RAD50: variants seen among roughly 807,000 people sequenced by gnomAD.
RAD50 encodes the protein RAD50 double strand break repair protein.
A neutral mutation model predicts 168.8 loss-of-function variants in RAD50; 132 were observed. That is an observed-to-expected ratio of 0.78 (90% CI 0.68 to 0.90). RAD50 has a LOEUF of 0.90. Among genes scored for constraint, RAD50 ranks in the 40% least tolerant of loss-of-function variants. The pLI, the probability that RAD50 is intolerant of heterozygous loss-of-function variation, is 0.00. For synonymous variants in RAD50, 525 were observed against 497.4 expected, an observed-to-expected ratio of 1.06 and a Z score of -0.74; for missense variants, 1,347 against 1,534.4, an observed-to-expected ratio of 0.88 and a Z score of 2.04.
At chr5:132,593,015 C>A (rs1463377439) in intron 11 of RAD50, 1 of 379,656 alleles carries the variant, frequency 2.6e-6, no homozygotes, top group Non-Finnish European at 5.5e-6. Context: ...TGATCTTCTT[C>A]AGTTAGGGCA....
At position 132,616,016 on chromosome 5, in the gene RAD50, G is replaced by A. The variant is rs1554099776; in HGVS notation, c.3050G>A (p.Trp1017Ter). 3.8e-6 allele frequency: 6 copies of A among 1,583,146 alleles called. No individual in the cohort carries two copies. The highest frequency in any genetic ancestry group is 5.2e-6 in the Non-Finnish European group (6 of 1,152,518). The change falls in exon 20 of 25, where the codon TGG (tryptophan) becomes TAG (stop). Residue 1017 changes from tryptophan to a stop codon, truncating the protein, a stop_gained. Transcript: ENST00000378823. LOFTEE classifies it high-confidence loss of function. The stretch of plus-strand genomic sequence containing the variant: ...GTTTACCTTTAGATACAAGAAAGGT[G>A]GCTACAAGATAACCTTACTTTAAGA... ...DIDTQKIQERWLQDNLTLRKR... is the reference protein window; with the variant it reads ...DIDTQKIQER
Position 132,591,260 on chromosome 5 carries a change from G to A in RAD50, c.1489G>A (p.Val497Ile), listed in dbSNP as rs1750691889. 6.2e-7 allele frequency: 1 copy of A among 1,613,070 alleles called. No homozygotes were observed. Among genetic ancestry groups the A allele is most frequent in the Non-Finnish European group, 8.5e-7 (1 of 1,179,072 alleles). ...AAGCAAGGCTGAGAAAAACAGCAAT[G>A]TAGAAACCTTAAAAATGGAAGTAAT... ...ELSKAEKNSN[V>I]ETLKMEVISL... The change falls in exon 10 of 25, where the codon GTA (valine) becomes ATA (isoleucine). Residue 497 changes from valine (V) to isoleucine (I), a missense_variant. Physicochemically the swap from Val to Ile is conservative, Grantham distance 29 (BLOSUM62 3). Coordinates refer to ENST00000378823, the MANE Select transcript of RAD50 (RefSeq NM_005732.4).
In RAD50 at chr5:132,609,135, A is replaced by G. The variant is rs1581004613; in HGVS notation, c.2848A>G (p.Lys950Glu). The G allele has an allele frequency of 6.2e-7, 1 of 1,611,758 alleles. No individual in the cohort carries two copies. The highest frequency in any genetic ancestry group is 8.5e-7 in the Non-Finnish European group (1 of 1,179,022). ...AQDKLNDIKE[K>E]VKNIHGYMKD... Reference sequence around the variant, plus strand: ...TCTACAGCTGAATGATATTAAAGAGAAGGTTAAAAATATTCATGGCTATAT... The same window carrying G: ...TCTACAGCTGAATGATATTAAAGAGGAGGTTAAAAATATTCATGGCTATAT... The change falls in exon 18 of 25, where the codon AAG (lysine) becomes GAG (glutamate). Residue 950 changes from lysine (K) to glutamate (E), a missense_variant. Coordinates refer to ENST00000378823, the MANE Select transcript of RAD50 (RefSeq NM_005732.4).
intron 24 of RAD50, among the ~76,000 whole-genome samples, chr5:132,641,470 C>T (rs577378835): frequency 6.6e-6 from 1 of 152,300 alleles, no homozygotes; most frequent in East Asian, 1.9e-4. Context: ...AGAAGGAGAG[C>T]TCAGCAGCGC....
At chr5:132,626,059 A>G (rs1751367379) in intron 21 of RAD50, among the ~76,000 whole-genome samples, 1 of 152,066 alleles carries the variant, frequency 6.6e-6, no homozygotes, top group East Asian at 1.9e-4. Context: ...TAGTAGAAAC[A>G]GGGTTTTGCC....
rs1290077929 is a variant in RAD50 at position 132,608,733 on chromosome 5, T to A, written c.2829+8T>A. 6.4e-7 allele frequency: 1 copy of A among 1,568,068 alleles called. No homozygotes were observed. The highest frequency in any genetic ancestry group is 8.6e-7 in the Non-Finnish European group (1 of 1,156,658). On this transcript the variant is annotated splice_region_variant and intron_variant, in intron 17 of 24. Coordinates refer to ENST00000378823, the MANE Select transcript of RAD50 (RefSeq NM_005732.4). Reference sequence around the variant, plus strand: ...AAAATAGCACAGGATAAAGTAAGATTTCATTTATATATTTACTTATCAAAT... The same window carrying A: ...AAAATAGCACAGGATAAAGTAAGATATCATTTATATATTTACTTATCAAAT...
chr5:132,618,736 G>A (rs1016375548), intron 21 of RAD50, among the ~76,000 whole-genome samples: 1 of 152,108 alleles, frequency 6.6e-6, no homozygotes, highest in African/African-American at 2.4e-5. Context: ...GAAAATATAT[G>A]TATGTATGTA....
intron 16 of RAD50, among the ~76,000 whole-genome samples, 194 bp from the exon 17 acceptor site, chr5:132,608,421 C>G (rs1422791938): frequency 1.3e-5 from 2 of 152,114 alleles, no homozygotes; most frequent in African/African-American, 4.8e-5. Flanking sequence ...AAATCATTCT[C>G]TGTGTCTGTT....
rs1411967321 is a variant in RAD50, at chr5:132,637,183, G to A, written c.3458G>A (p.Ser1153Asn). The change falls in exon 22 of 25, where the codon AGT (serine) becomes AAT (asparagine). Residue 1153 changes from serine to asparagine, a missense_variant. Ser to Asn is a conservative substitution (Grantham distance 46). Transcript: ENST00000378823. ...INKIIRDLWRSTYRGQDIEYI... is the reference protein window; with the variant it reads ...INKIIRDLWRNTYRGQDIEYI... The stretch of plus-strand genomic sequence containing the variant: ...AAAATTATACGTGACCTGTGGCGAA[G>A]TACCTATCGTGGACAAGGTGAGTAC... The A allele has an allele frequency of 6.2e-7, 1 of 1,611,972 alleles. No individual in the cohort carries two copies.
At chr5:132,627,851 T>G (rs903920741) in intron 21 of RAD50, among the ~76,000 whole-genome samples, 1 of 152,078 alleles carries the variant, frequency 6.6e-6, no homozygotes, top group African/African-American at 2.4e-5. Flanking sequence ...TGAGGAGACT[T>G]GTAGTAACCA....
intron 2 of RAD50, among the ~76,000 whole-genome samples, chr5:132,562,976 C>CT (rs1449140272): frequency 6.6e-6 from 1 of 152,162 alleles, no homozygotes; most frequent in Non-Finnish European, 1.5e-5. Flanking sequence ...ATGTTGATAG[C>CT]TCAAGAAAGA....
At chr5:132,596,378 T>C (rs1750792613) in intron 13 of RAD50, among the ~76,000 whole-genome samples, 1 of 152,238 alleles carries the variant, frequency 6.6e-6, no homozygotes, top group South Asian at 2.1e-4. Flanking sequence ...ACTTAGCTTG[T>C]GGGCATAGAT....
rs1751807679 is a variant in RAD50 at position 132,644,446 on chromosome 5, C to T, written c.*2082C>T. On this transcript the variant is annotated 3_prime_UTR_variant, in exon 25 of 25. Transcript: ENST00000378823. The stretch of plus-strand genomic sequence containing the variant: ...AGCACACCACTCACTAGCTGGGGAC[C>T]TTGAGCAAGTTATTTGTCCTGTTTT... The T allele has an allele frequency of 5.7e-6, 1 of 173,920 alleles. No individual in the cohort carries two copies. The highest frequency in any genetic ancestry group is 2.4e-5 in the African/African-American group (1 of 42,142). The allele number at this position is 173,920 out of a possible 1,614,324, so 10.8% of individuals were successfully genotyped here.
intron 3 of RAD50, 104 bp downstream of exon 3, chr5:132,576,032 T>G: frequency 8.4e-7 from 1 of 1,194,386 alleles, no homozygotes; most frequent in Admixed American, 3.0e-5. Flanking sequence ...ATATTAAATT[T>G]TTTTCAATAG....
chr5:132,569,777 T>A (rs1398524068), intron 2 of RAD50, among the ~76,000 whole-genome samples: 3 of 152,202 alleles, frequency 2.0e-5, no homozygotes, highest in Admixed American at 2.0e-4. Context: ...AAGTCATAGA[T>A]AATGTATTCT....
At chr5:132,596,934 G>C (rs1750801931) in intron 13 of RAD50, among the ~76,000 whole-genome samples, 1 of 152,174 alleles carries the variant, frequency 6.6e-6, no homozygotes, top group Admixed American at 6.5e-5. Context: ...AAAGGGAAGA[G>C]GAGTATGACC....
intron 1 of RAD50, among the ~76,000 whole-genome samples, chr5:132,557,714 C>CCGGGAACTG (rs1371097406): frequency 3.4e-4 from 52 of 152,342 alleles, no homozygotes; most frequent in African/African-American, 1.2e-3. Flanking sequence ...TCGCCGCTCA[C>CCGGGAACTG]TCAGAGTTCA....
At position 132,562,563 on chromosome 5, in the gene RAD50, A is replaced by G. The variant is rs552725374; in HGVS notation, c.213+3196A>G. On this transcript the variant is annotated intron_variant, in intron 2 of 24. Transcript: ENST00000378823. ...GGATAAAATAGTTTTGTCATTTATTATAATAGGGGCACTATGGAAAAAATA... is the reference window on the plus strand; with the variant it reads ...GGATAAAATAGTTTTGTCATTTATTGTAATAGGGGCACTATGGAAAAAATA... Among the ~76,000 whole-genome samples the G allele has an allele frequency of 2.6e-5, 4 of 152,218 alleles. No individual in the cohort carries two copies. The South Asian group carries it at 8.3e-4, about 32-fold the overall frequency.
chr5:132,641,386 C>T (rs924265248), intron 24 of RAD50, among the ~76,000 whole-genome samples: 1 of 152,186 alleles, frequency 6.6e-6, no homozygotes, highest in African/African-American at 2.4e-5. Context: ...GAGAAAAAGG[C>T]AGTTTCCCTG....
Sources: allele counts gnomAD v4.1 joint callset (sites outside exome capture counted in the v4.1 genomes callset), GRCh38; gene constraint gnomAD v4.1.1; transcripts MANE v1.5; gene names NCBI Gene and HGNC (gene_info 2026-07-23, HGNC 2026-07-21).